Variants in SCLY observed in about 807,000 individuals in gnomAD.
SCLY encodes the protein putative selenocysteine lyase.
In SCLY, 38 loss-of-function variants were observed where a neutral mutation model predicts 50.1. The observed-to-expected ratio is 0.76, with a 90% CI of 0.59 to 0.99. The LOEUF (loss-of-function observed/expected upper bound fraction) is 0.99. Among genes scored for constraint, SCLY ranks in the 50% least tolerant of loss-of-function variants. SCLY has a pLI of 0.00. For missense variants in SCLY, 600 were observed against 620.0 expected (o/e 0.97, Z 0.34); for synonymous variants, 243 against 249.4 (o/e 0.97, Z 0.24).
At position 238,083,980 on chromosome 2, in the gene SCLY, C is replaced by A. The variant is rs944270788; in HGVS notation, c.884+626C>A. ...AAGCCTGTCCTCTCTAGCCAGTGGACCAGGAAAGGAATGGCCTAGCAAGAC... is the reference window on the plus strand; with the variant it reads ...AAGCCTGTCCTCTCTAGCCAGTGGAACAGGAAAGGAATGGCCTAGCAAGAC... On this transcript the variant is annotated intron_variant, in intron 7 of 11. Coordinates refer to ENST00000254663, the MANE Select transcript of SCLY (RefSeq NM_016510.7). The surrounding 1 kb of genome is among the most constrained non-coding windows in gnomAD (Gnocchi z 4.3). 3.9e-5 allele frequency among the ~76,000 whole-genome samples: 6 copies of A among 152,170 alleles called. No homozygotes were observed. The highest frequency in any genetic ancestry group is 5.9e-5 in the Non-Finnish European group (4 of 68,038).
Position 238,086,758 on chromosome 2 carries a change from G to A in SCLY, c.884+3404G>A, listed in dbSNP as rs1375218027. On this transcript the variant is annotated intron_variant, in intron 7 of 11. Coordinates refer to ENST00000254663, the MANE Select transcript of SCLY (RefSeq NM_016510.7). ...ATATTGGCCAGGCACGGTGGCTCAC[G>A]CCTGTTATCCCAGCACTTTGGGAGG... Among the ~76,000 whole-genome samples, 5 of 141,094 alleles carry A rather than the reference G, an allele frequency of 3.5e-5. No individual in the cohort carries two copies. In the South Asian group the frequency reaches 6.9e-4, roughly 19 times the overall value. The allele number at this position is 141,094 out of a possible 152,430, so 92.6% of individuals were successfully genotyped here. A position where few individuals can be genotyped will look rare whatever the true frequency, so the allele number is the denominator to read the frequency against.
chr2:238,094,430 G>T lies in SCLY; in HGVS notation c.1016G>T (p.Gly339Val), dbSNP rs760772951. ...YLEERLEAEFGQKRIHLNSQF... is the reference protein window; with the variant it reads ...YLEERLEAEFVQKRIHLNSQF... Reference sequence around the variant, plus strand: ...ACTTATTTTTTTCAGGCTGAATTCGGTCAGAAGAGAATCCATCTGAATAGC... The same window carrying T: ...ACTTATTTTTTTCAGGCTGAATTCGTTCAGAAGAGAATCCATCTGAATAGC... The change falls in exon 10 of 12, where the codon GGT (glycine) becomes GTT (valine). Residue 339 changes from glycine (G) to valine (V), a missense_variant. Gly to Val is a moderately radical substitution (Grantham distance 109, BLOSUM62 -3). Coordinates refer to ENST00000254663, the MANE Select transcript of SCLY (RefSeq NM_016510.7). 3.1e-6 allele frequency: 5 copies of T among 1,613,526 alleles called. No homozygotes were observed. The highest frequency in any genetic ancestry group is 4.5e-5 in the East Asian group (2 of 44,876).
chr2:238,091,550 C>CTGT, intron 8 of SCLY: 17 of 408,648 alleles, frequency 4.2e-5, no homozygotes, highest in Middle Eastern at 7.3e-4. Context: ...GCAGGTTCAC[C>CTGT]ATTCCCAAAG....
At chr2:238,091,519 GCAGA>G in intron 8 of SCLY, 2 of 449,648 alleles carry the variant, frequency 4.4e-6, no homozygotes, top group Non-Finnish European at 4.1e-6. Context: ...TACTGTTACA[GCAGA>G]GGTGAAGTGT....
chr2:238,068,238 T>C (rs1355600022), intron 3 of SCLY, 73 bp downstream of exon 3: 1 of 1,134,944 alleles, frequency 8.8e-7, no homozygotes, highest in African/African-American at 1.6e-5. Context: ...TGATTTCCTT[T>C]TGCTACATTT....
Position 238,064,411 on chromosome 2 carries a change from G to T in SCLY, c.144G>T (p.Gln48His), listed in dbSNP as rs1286233991. 6.2e-7 allele frequency: 1 copy of T among 1,611,718 alleles called. No individual in the cohort carries two copies. Among genetic ancestry groups the T allele is most frequent in the South Asian group, 1.1e-5 (1 of 90,436 alleles). Residue 48 changes from glutamine (Q) to histidine (H), a missense_variant, in exon 2 of 12, where the codon CAG becomes CAT. By Grantham distance (24) the Gln-to-His change is conservative (BLOSUM62 0). Coordinates refer to ENST00000254663, the MANE Select transcript of SCLY (RefSeq NM_016510.7). Reference protein sequence around the residue: ...ATTPLEPEVIQAMTKAMWEAW... With the variant: ...ATTPLEPEVIHAMTKAMWEAW... Reference sequence around the variant, plus strand: ...CTCCCCTGGAGCCAGAAGTTATCCAGGCCATGACCAAGGCCATGTGGGAAG... The same window carrying T: ...CTCCCCTGGAGCCAGAAGTTATCCATGCCATGACCAAGGCCATGTGGGAAG...
In SCLY at chr2:238,098,245, G is replaced by T; in HGVS notation, c.1228G>T (p.Ala410Ser). The T allele has an allele frequency of 1.9e-6, 3 of 1,610,956 alleles. No homozygotes were observed. Among genetic ancestry groups the T allele is most frequent in the Non-Finnish European group, 8.5e-7 (1 of 1,179,678 alleles). The part of the protein sequence containing the change: ...LLSYGVPFDV[A>S]RNALRLSVGR... ...GAGCTACGGTGTCCCCTTCGACGTG[G>T]CCAGGAACGCGCTCCGGCTCAGCGT... The change falls in exon 12 of 12, where the codon GCC (alanine) becomes TCC (serine). Residue 410 changes from alanine (A) to serine (S), a missense_variant. Coordinates refer to ENST00000254663, the MANE Select transcript of SCLY (RefSeq NM_016510.7).
At chr2:238,077,918 C>A (rs2065189691) in intron 4 of SCLY, among the ~76,000 whole-genome samples, 1 of 151,868 alleles carries the variant, frequency 6.6e-6, no homozygotes, top group Non-Finnish European at 1.5e-5. Context: ...AGCCCAAGAT[C>A]CCTGAACAAG....
intron 7 of SCLY, among the ~76,000 whole-genome samples, chr2:238,088,381 G>T (rs9808062): frequency 0.023 from 3,429 of 152,234 alleles, 131 homozygotes; most frequent in African/African-American, 0.078. Flanking sequence ...AGAATCGATT[G>T]AACCTGGGTA....
intron 8 of SCLY, chr2:238,093,476 C>T (rs2065390693): frequency 7.4e-6 from 2 of 272,010 alleles, no homozygotes; most frequent in South Asian, 9.4e-5. Flanking sequence ...CCATTCCCTG[C>T]CCTTGTACAG....
rs749388444 is a variant in SCLY at position 238,083,339 on chromosome 2, G to A, written c.869G>A (p.Arg290Gln). 5.8e-5 allele frequency: 94 copies of A among 1,610,938 alleles called. No homozygotes were observed. The highest frequency in any genetic ancestry group is 8.8e-5 in the South Asian group (8 of 91,026). Residue 290 changes from arginine to glutamine, a missense_variant, in exon 7 of 12, where the codon CGG (arginine) becomes CAG (glutamine). Transcript: ENST00000254663. This position sits in a 1 kb window ranked among gnomAD's most constrained non-coding sequence, Gnocchi z 4.3. ...YPMLFGGGQE[R>Q]NFRPGTENTP... ...ATGCTATTTGGAGGTGGACAAGAAC[G>A]GAATTTCAGGCCAGGGTAAGGCAGA...
rs1559254472 is a variant in SCLY, at chr2:238,098,592, GGACCGCCCACATA to G, written c.*239_*251del. 14,503 of 422,664 alleles carry G rather than the reference GGACCGCCCACATA, an allele frequency of 0.034. 1,171 individuals are homozygous for G. The highest frequency in any genetic ancestry group is 0.041 in the East Asian group (931 of 22,818). The allele number at this position is 422,664 out of a possible 1,614,324, so 26.2% of individuals were successfully genotyped here. On this transcript the variant is annotated 3_prime_UTR_variant, in exon 12 of 12. Coordinates refer to ENST00000254663, the MANE Select transcript of SCLY (RefSeq NM_016510.7). Reference sequence around the variant, plus strand: ...CTGCCCACATGGGACCGCCCACATAGGACCGCCCACATAGGACCGCCCACATGGGACCGCCCAC... The same window carrying G: ...CTGCCCACATGGGACCGCCCACATAGGGACCGCCCACATGGGACCGCCCAC...
At chr2:238,090,496 T>C (rs2065350385) in intron 7 of SCLY, among the ~76,000 whole-genome samples, 1 of 152,074 alleles carries the variant, frequency 6.6e-6, no homozygotes, top group Non-Finnish European at 1.5e-5. Flanking sequence ...AAAAATTAGC[T>C]GGGCATGGCG....
Position 238,064,468 on chromosome 2 carries a change from A to G in SCLY, c.201A>G (p.Ala67=). The change falls in exon 2 of 12, where the codon GCA becomes GCG. Residue 67 remains alanine, a splice_region_variant and synonymous_variant. Coordinates refer to ENST00000254663, the MANE Select transcript of SCLY (RefSeq NM_016510.7). Reference sequence around the variant, plus strand: ...GAAATCCCAGCAGCCCGTATTCAGCAGGTAATTCTAGAAGATGCACGTGTT... The same window carrying G: ...GAAATCCCAGCAGCCCGTATTCAGCGGGTAATTCTAGAAGATGCACGTGTT... ...AWGNPSSPYS[A]GRKAKDIINA... The G allele has an allele frequency of 6.2e-7, 1 of 1,600,566 alleles. No homozygotes were observed. Among genetic ancestry groups the G allele is most frequent in the Non-Finnish European group, 8.5e-7 (1 of 1,173,506 alleles).
chr2:238,098,159 T>C, intron 11 of SCLY, 43 bp from the exon 12 acceptor site: 1 of 1,594,292 alleles, frequency 6.3e-7, no homozygotes, highest in East Asian at 2.2e-5. Flanking sequence ...GTCTCTTCCA[T>C]GTGCCCTCAG....
At chr2:238,065,955 G>A (rs958544424) in intron 2 of SCLY, among the ~76,000 whole-genome samples, 1 of 152,092 alleles carries the variant, frequency 6.6e-6, no homozygotes, top group East Asian at 1.9e-4. Context: ...TTACAGGTGT[G>A]AGCCACCATG....
chr2:238,065,903 G>C (rs146219104), intron 2 of SCLY, among the ~76,000 whole-genome samples: 3,905 of 152,074 alleles, frequency 0.026, 166 homozygotes, highest in African/African-American at 0.09. Flanking sequence ...TTGAACTCCT[G>C]ACCTTGTGAT....
At chr2:238,084,282 A>G (rs2065266580) in intron 7 of SCLY, among the ~76,000 whole-genome samples, 2 of 152,176 alleles carry the variant, frequency 1.3e-5, no homozygotes, top group Non-Finnish European at 2.9e-5. Context: ...TTGGGTGTCA[A>G]CATCAGCCAA....
rs1403499864 is a variant in SCLY at position 238,081,665 on chromosome 2, A to T, written c.485-44A>T. The T allele has an allele frequency of 3.8e-6, 6 of 1,586,248 alleles. No individual in the cohort carries two copies. The African/African-American group carries it at 8.1e-5, about 21-fold the overall frequency. ...CTGTTGGAACGCAGTTTTGAGAGGA[A>T]TCAATTTGTGCAGCTCAGTTCGGTA... On this transcript the variant is annotated intron_variant, in intron 4 of 11. Transcript: ENST00000254663.
Sources: allele counts gnomAD v4.1 joint callset (sites outside exome capture counted in the v4.1 genomes callset), GRCh38; gene constraint gnomAD v4.1.1; non-coding constraint Gnocchi (gnomAD v3.1); transcripts MANE v1.5; gene names NCBI Gene and HGNC (gene_info 2026-07-23, HGNC 2026-07-21).